PSMD6: variants seen among roughly 807,000 people sequenced by gnomAD.
PSMD6 encodes proteasome 26S subunit, non-ATPase 6, also known as 26S proteasome non-ATPase regulatory subunit 6.
PSMD6 carries 7 observed loss-of-function variants against 44.9 expected under a neutral mutation model. The observed-to-expected ratio is 0.16, with a 90% CI of 0.09 to 0.29. The LOEUF (loss-of-function observed/expected upper bound fraction) is 0.29, where lower values mean the gene tolerates loss of function less well. PSMD6 is among the 10% of genes least tolerant of loss of function. PSMD6 has a pLI of 1.00. For synonymous variants in PSMD6, 184 were observed against 172.7 expected (o/e 1.07, Z -0.51); for missense variants, 420 against 482.6 (o/e 0.87, Z 1.21).
chr3:64,020,108 A>T (rs894314765), intron 2 of PSMD6, among the ~76,000 whole-genome samples: 1 of 152,230 alleles, frequency 6.6e-6, no homozygotes, highest in Non-Finnish European at 1.5e-5. Context: ...TACGTTTATT[A>T]GAGTGAAAAT....
chr3:64,015,716 G>C (rs531310078), intron 5 of PSMD6: 11 of 152,252 alleles, frequency 7.2e-5, no homozygotes, highest in African/African-American at 2.6e-4. Flanking sequence ...GGATAACAGT[G>C]CCCCTGAAGG....
Position 64,023,098 on chromosome 3 carries a change from G to C in PSMD6, c.145+177C>G, listed in dbSNP as rs1006711700. 6.3e-6 allele frequency: 9 copies of C among 1,425,134 alleles called. No homozygotes were observed. In the African/African-American group the frequency reaches 1.2e-4, roughly 18 times the overall value. 88.3% of individuals were successfully genotyped at this position (1,425,134 alleles called of 1,614,324 possible). On this transcript the variant is annotated intron_variant, in intron 1 of 7. Coordinates refer to ENST00000295901, the MANE Select transcript of PSMD6 (RefSeq NM_014814.3). ...TGCAGACCCCGCTGAGGCAAGTCGA[G>C]GTCCCCCAGGGTATCCCCAAACCAA...
Position 64,022,469 on chromosome 3 carries a change from A to G in PSMD6, c.200T>C (p.Val67Ala). ...CTTCTTCATTTTATTGAGTAGGTCC[A>G]CGTCTATCTGCCAGTCGAGGGATTT... ...LCKSLDWQID[V>A]DLLNKMKKAN... Residue 67 changes from valine to alanine, a missense_variant, in exon 2 of 8, where the codon GTG (valine) becomes GCG (alanine). Around this residue, in one of 4 missense-constraint regions of PSMD6, gnomAD observed 136 missense variants for 124.2 expected, o/e 1.09. Transcript: ENST00000295901. The G allele has an allele frequency of 6.2e-7, 1 of 1,614,136 alleles. No individual in the cohort carries two copies. The highest frequency in any genetic ancestry group is 8.5e-7 in the Non-Finnish European group (1 of 1,179,962).
rs1488808249 is a variant in PSMD6, at chr3:64,023,410, C to T, written c.10G>A (p.Glu4Lys). ...GGCAGACCCTCCTCCTCCAGGTTCT[C>T]CAGCGGCATCGCGGCGAAGGGGACA... MPL[E>K]NLEEEGLPKN... The change falls in exon 1 of 8, where the codon GAG becomes AAG. Residue 4 changes from glutamate to lysine, a missense_variant. By Grantham distance (56) the Glu-to-Lys change is moderately conservative (BLOSUM62 1). Transcript: ENST00000295901. 6.2e-7 allele frequency: 1 copy of T among 1,600,194 alleles called. No individual in the cohort carries two copies. The highest frequency in any genetic ancestry group is 8.5e-7 in the Non-Finnish European group (1 of 1,171,088).
chr3:64,023,225 G>C, intron 1 of PSMD6, 50 bp downstream of exon 1: 1 of 1,496,318 alleles, frequency 6.7e-7, no homozygotes, highest in South Asian at 1.2e-5. Flanking sequence ...TCCGGAACGC[G>C]GGGACGGCCC....
chr3:64,023,707 T>C, upstream of PSMD6: 3 of 1,482,134 alleles, frequency 2.0e-6, no homozygotes, highest in South Asian at 2.6e-5. Flanking sequence ...TCTTTCTCAC[T>C]CCCTTTTTAG....
At chr3:64,016,426 A>G (rs1405424208) in intron 5 of PSMD6, 4 of 152,050 alleles carry the variant, frequency 2.6e-5, no homozygotes, top group African/African-American at 9.7e-5. Flanking sequence ...ATTAGTACCA[A>G]GTGCTGTCCT....
Position 64,018,850 on chromosome 3 carries a change from T to C in PSMD6, c.685A>G (p.Ile229Val). 6.3e-7 allele frequency: 1 copy of C among 1,592,740 alleles called. No homozygotes were observed. Among genetic ancestry groups the C allele is most frequent in the South Asian group, 1.1e-5 (1 of 90,584 alleles). ...CTGAGATCTGGTCTTTCTAAGGCAA[T>C]CATACTGACATAGACAGTATAAGTC... ...FVTYTVYVSM[I>V]ALERPDLREK... The change falls in exon 4 of 8, where the codon ATT becomes GTT. Residue 229 changes from isoleucine to valine, a missense_variant. Ile to Val is a conservative substitution (Grantham distance 29). Coordinates refer to ENST00000295901, the MANE Select transcript of PSMD6 (RefSeq NM_014814.3).
At chr3:64,015,254 A>C (rs573340845) in intron 5 of PSMD6, 3 of 152,340 alleles carry the variant, frequency 2.0e-5, no homozygotes, top group Non-Finnish European at 2.9e-5. Context: ...AAACTGACAT[A>C]TCTCTGGAGG....
Position 64,010,653 on chromosome 3 carries a change from GTTAGTT to G in PSMD6, c.*9_*14del. The stretch of plus-strand genomic sequence containing the variant: ...TAATTATCTCTAAAGCAAATCCTTT[GTTAGTT>G]ACATGGCTTTACATATTAATTACTC... On this transcript the variant is annotated 3_prime_UTR_variant, in exon 8 of 8. Transcript: ENST00000295901. 6.5e-7 allele frequency: 1 copy of G among 1,533,520 alleles called. No homozygotes were observed. Among genetic ancestry groups the G allele is most frequent in the South Asian group, 1.2e-5 (1 of 86,022 alleles). 95.0% of individuals were successfully genotyped at this position (1,533,520 alleles called of 1,614,324 possible). A position where few individuals can be genotyped will look rare whatever the true frequency, so the allele number is the denominator to read the frequency against.
In PSMD6 at chr3:64,010,677, A is replaced by G; in HGVS notation, c.1161T>C (p.Ile387=). Residue 387 remains isoleucine (I), a synonymous_variant, in exon 8 of 8, where the codon ATT becomes ATC. Coordinates refer to ENST00000295901, the MANE Select transcript of PSMD6 (RefSeq NM_014814.3). ...LNRVQKLSRV[I]NM ...TGTTAGTTACATGGCTTTACATATT[A>G]ATTACTCTGGAAAGTTTTTGAACTC... 6.3e-7 allele frequency: 1 copy of G among 1,588,092 alleles called. No homozygotes were observed.
At chr3:64,022,932 C>A (rs1416176898) in intron 1 of PSMD6, 2 of 1,443,604 alleles carry the variant, frequency 1.4e-6, no homozygotes, top group African/African-American at 2.8e-5. Flanking sequence ...AACTCTCCCA[C>A]AGGAATACCC....
At chr3:64,023,872 A>G (rs1559680863), upstream of PSMD6, 2 of 1,442,702 alleles carry the variant, frequency 1.4e-6, no homozygotes, top group Non-Finnish European at 1.9e-6. Flanking sequence ...AGGTAGTACT[A>G]TTAGCCTATT....
Position 64,019,381 on chromosome 3 carries a change from A to G in PSMD6, c.412T>C (p.Leu138=), listed in dbSNP as rs568887330. The change falls in exon 3 of 8, where the codon TTG becomes CTG. Residue 138 remains leucine (L), a synonymous_variant. Coordinates refer to ENST00000295901, the MANE Select transcript of PSMD6 (RefSeq NM_014814.3). ...CTAAGGAGATAGAATACAATATCCA[A>G]TCGGTGACCCAGGGCCACAGTTTTG... ...YDKTVALGHR[L]DIVFYLLRIG... 1.1e-5 allele frequency: 18 copies of G among 1,610,652 alleles called. No individual in the cohort carries two copies. Among genetic ancestry groups the G allele is most frequent in the Middle Eastern group, 1.7e-4 (1 of 6,056 alleles).
Position 64,018,807 on chromosome 3 carries a change from T to C in PSMD6, c.717+11A>G. Reference sequence around the variant, plus strand: ...AGTCTTTAAATTTGAGTATTAAAGTTTGGTCATTACCTTTTCCCTGAGATC... The same window carrying C: ...AGTCTTTAAATTTGAGTATTAAAGTCTGGTCATTACCTTTTCCCTGAGATC... On this transcript the variant is annotated intron_variant, in intron 4 of 7. Transcript: ENST00000295901. 6.4e-7 allele frequency: 1 copy of C among 1,555,098 alleles called. No individual in the cohort carries two copies. The highest frequency in any genetic ancestry group is 8.9e-7 in the Non-Finnish European group (1 of 1,129,490).
intron 5 of PSMD6, 39 bp from the exon 6 acceptor site, chr3:64,013,646 G>A (rs3816157): frequency 0.16 from 247,990 of 1,524,876 alleles, 23,094 homozygotes; most frequent in African/African-American, 0.38. Flanking sequence ...TAGACTCTCC[G>A]TTTCAGATAA....
At position 64,013,583 on chromosome 3, in the gene PSMD6, T is replaced by C; in HGVS notation, c.851A>G (p.Lys284Arg). Reference protein sequence around the residue: ...SLAVVEQEMKKDWLFAPHYRY... With the variant: ...SLAVVEQEMKRDWLFAPHYRY... ...ATAATGAGGGGCAAAAAGCCAGTCCTTTTTCATTTCCTGTTCCACAACCGC... is the reference window on the plus strand; with the variant it reads ...ATAATGAGGGGCAAAAAGCCAGTCCCTTTTCATTTCCTGTTCCACAACCGC... Residue 284 changes from lysine to arginine, a missense_variant, in exon 6 of 8, where the codon AAG (lysine) becomes AGG (arginine). By Grantham distance (26) the Lys-to-Arg change is conservative. Coordinates refer to ENST00000295901, the MANE Select transcript of PSMD6 (RefSeq NM_014814.3). 1.2e-6 allele frequency: 2 copies of C among 1,607,632 alleles called. No individual in the cohort carries two copies. The highest frequency in any genetic ancestry group is 8.5e-7 in the Non-Finnish European group (1 of 1,177,918).
At chr3:64,015,530 T>G (rs1298871279) in intron 5 of PSMD6, 1 of 152,254 alleles carries the variant, frequency 6.6e-6, no homozygotes, top group Non-Finnish European at 1.5e-5. Context: ...TTTGCTGCTA[T>G]TCTCAATGTT....
chr3:64,023,534 C>T, upstream of PSMD6: 3 of 1,408,734 alleles, frequency 2.1e-6, no homozygotes, highest in South Asian at 1.6e-5. Context: ...GCTTCCGGTC[C>T]CGTCTCCGCC....
Sources: allele counts gnomAD v4.1 joint callset (sites outside exome capture counted in the v4.1 genomes callset), GRCh38; gene constraint gnomAD v4.1.1; regional missense constraint gnomAD v4.1.1; transcripts MANE v1.5; gene names NCBI Gene and HGNC (gene_info 2026-07-23, HGNC 2026-07-21).